XIRP2: variants seen among roughly 807,000 people sequenced by gnomAD.
XIRP2 encodes xin actin-binding repeat-containing protein 2.
XIRP2 carries 236 observed loss-of-function variants against 277.0 expected under a neutral mutation model. The observed-to-expected ratio is 0.85, with a 90% CI of 0.77 to 0.95. The LOEUF (loss-of-function observed/expected upper bound fraction) is 0.95. Among genes scored for constraint, XIRP2 ranks in the 40% least tolerant of loss-of-function variants. XIRP2 has a pLI of 0.00. For synonymous variants in XIRP2, 1,490 were observed against 1,416.5 expected (o/e 1.05, Z -1.17); for missense variants, 4,640 against 4,157.5 (o/e 1.12, Z -3.19).
chr2:167,011,988 G>A lies in XIRP2; in HGVS notation c.408+108098G>A, dbSNP rs562369530. ...TTTCTTCTTTATTAGTCTTGCTAGC[G>A]GTCTATCAATTTTGTTGATCTTTTC... is the stretch of plus-strand genomic sequence containing the variant. On this transcript the variant is annotated intron_variant, in intron 2 of 10. Coordinates refer to ENST00000409195, the MANE Select transcript of XIRP2 (RefSeq NM_152381.6). Among the ~76,000 whole-genome samples the A allele has an allele frequency of 7.8e-4, 119 of 151,784 alleles. 1 individual carries two copies. Among genetic ancestry groups the A allele is most frequent in the African/African-American group, 2.7e-3 (111 of 41,400 alleles).
chr2:167,102,725 T>A (rs1041604398), intron 2 of XIRP2, among the ~76,000 whole-genome samples: 1 of 152,188 alleles, frequency 6.6e-6, no homozygotes, highest in Non-Finnish European at 1.5e-5. Flanking sequence ...TCAATTTTCA[T>A]TGCACACATG....
At chr2:167,090,250 C>A (rs185773617) in intron 2 of XIRP2, among the ~76,000 whole-genome samples, 1 of 152,030 alleles carries the variant, frequency 6.6e-6, no homozygotes, top group Non-Finnish European at 1.5e-5. Context: ...TCAGACAATG[C>A]AAAGATTTTA....
Position 166,927,300 on chromosome 2 carries a change from A to T in XIRP2, c.408+23410A>T, listed in dbSNP as rs1231286028. Among the ~76,000 whole-genome samples the T allele has an allele frequency of 3.9e-5, 6 of 152,118 alleles. No homozygotes were observed. The South Asian group carries it at 1.0e-3, about 26-fold the overall frequency. On this transcript the variant is annotated intron_variant, in intron 2 of 10. Coordinates refer to ENST00000409195, the MANE Select transcript of XIRP2 (RefSeq NM_152381.6). ...GTAATTGTTTCCTATTGCTGCTGTAACAAAATAAATCAAACCTAGTGGCTT... is the reference window on the plus strand; with the variant it reads ...GTAATTGTTTCCTATTGCTGCTGTATCAAAATAAATCAAACCTAGTGGCTT...
rs553214114 is a variant in XIRP2 at position 167,008,313 on chromosome 2, T to C, written c.408+104423T>C. 1.1e-3 allele frequency among the ~76,000 whole-genome samples: 170 copies of C among 151,760 alleles called. No homozygotes were observed. The South Asian group carries it at 0.016, about 14-fold the overall frequency. On this transcript the variant is annotated intron_variant, in intron 2 of 10. Transcript: ENST00000409195. ...TGGAAAGTATTATCAGTTTCTTCAA[T>C]TGGTTTTTATATGAGAATACTAAGC...
At chr2:167,126,010 A>G (rs1362530059) in intron 2 of XIRP2, among the ~76,000 whole-genome samples, 1 of 152,148 alleles carries the variant, frequency 6.6e-6, no homozygotes, top group Non-Finnish European at 1.5e-5. Flanking sequence ...AGAATGGAGC[A>G]CCTACAAATG....
chr2:167,152,841 C>T (rs1574301779), intron 3 of XIRP2, among the ~76,000 whole-genome samples: 1 of 152,086 alleles, frequency 6.6e-6, no homozygotes, highest in East Asian at 1.9e-4. Flanking sequence ...CAAGATTCTA[C>T]AAAATAGAAA....
At chr2:167,116,419 T>C (rs1259923724) in intron 2 of XIRP2, among the ~76,000 whole-genome samples, 9 of 152,184 alleles carry the variant, frequency 5.9e-5, no homozygotes. Flanking sequence ...ATTTATATGG[T>C]CTAAAGTCTA....
In XIRP2 at chr2:167,241,879, A is replaced by G; in HGVS notation, c.1145A>G (p.Lys382Arg). The change falls in exon 8 of 11, where the codon AAA becomes AGA. Residue 382 changes from lysine to arginine, a missense_variant. Physicochemically the swap from Lys to Arg is conservative, Grantham distance 26 (BLOSUM62 2). Transcript: ENST00000409195. ...SAQEKILYSD[K>R]EMTTPAKQIK... ...CAGGAAAAGATCCTTTATTCTGACA[A>G]AGAGATGACAACCCCAGCCAAGCAG... 6.2e-7 allele frequency: 1 copy of G among 1,613,420 alleles called. No homozygotes were observed. Among genetic ancestry groups the G allele is most frequent in the Non-Finnish European group, 8.5e-7 (1 of 1,179,648 alleles).
chr2:167,217,441 T>C (rs1318956000), intron 4 of XIRP2, among the ~76,000 whole-genome samples: 1 of 152,126 alleles, frequency 6.6e-6, no homozygotes, highest in Non-Finnish European at 1.5e-5. Flanking sequence ...CTGCTGGTTT[T>C]CTGCCTGTTC....
rs1321488292 is a variant in XIRP2 at position 167,243,478 on chromosome 2, T to C, written c.2086T>C (p.Phe696Leu). Residue 696 changes from phenylalanine to leucine, a missense_variant, in exon 9 of 11, where the codon TTT becomes CTT. Coordinates refer to ENST00000409195, the MANE Select transcript of XIRP2 (RefSeq NM_152381.6). ...GGDVKTVRYM[F>L]ETQHLDQLGQ... is the part of the protein sequence containing the mutation. ...GGATGTCAAGACTGTGAGATACATG[T>C]TTGAAACTCAACATCTAGATCAACT... 1 of 1,613,952 alleles carries C rather than the reference T, an allele frequency of 6.2e-7. No individual in the cohort carries two copies. The highest frequency in any genetic ancestry group is 1.3e-5 in the African/African-American group (1 of 74,914).
chr2:166,912,771 C>T (rs1304222696), intron 2 of XIRP2, among the ~76,000 whole-genome samples: 2 of 152,140 alleles, frequency 1.3e-5, no homozygotes, highest in Non-Finnish European at 1.5e-5. Flanking sequence ...TGGTGACATA[C>T]AGATGGGGAT....
chr2:167,043,904 A>G (rs1298239698), intron 2 of XIRP2, among the ~76,000 whole-genome samples: 2 of 152,048 alleles, frequency 1.3e-5, no homozygotes, highest in Non-Finnish European at 2.9e-5. Flanking sequence ...AGTGAGGATA[A>G]CAAAATTATC....
intron 3 of XIRP2, chr2:167,184,611 A>G (rs890400644): frequency 1.4e-6 from 1 of 717,444 alleles, no homozygotes; most frequent in Admixed American, 2.0e-5. Context: ...AAGACCCCCA[A>G]GAACAGCCTC....
intron 2 of XIRP2, among the ~76,000 whole-genome samples, chr2:166,986,540 C>T (rs1384124763): frequency 6.6e-6 from 1 of 152,212 alleles, no homozygotes; most frequent in East Asian, 1.9e-4. Context: ...GTATAAAGGG[C>T]ACCAAACCAG....
intron 2 of XIRP2, among the ~76,000 whole-genome samples, chr2:167,085,247 G>A (rs1244575730): frequency 1.3e-5 from 2 of 151,534 alleles, no homozygotes; most frequent in African/African-American, 2.4e-5. Flanking sequence ...ATGTAGTTGA[G>A]CGGTTTTGAG....
chr2:166,903,946 A>C, intron 2 of XIRP2, 56 bp downstream of exon 2: 1 of 1,545,884 alleles, frequency 6.5e-7, no homozygotes, highest in Admixed American at 1.9e-5. Context: ...TGCCTAGCCT[A>C]CCATTTATTA....
intron 3 of XIRP2, among the ~76,000 whole-genome samples, chr2:167,207,490 G>A (rs1693890884): frequency 6.6e-6 from 1 of 152,162 alleles, no homozygotes; most frequent in African/African-American, 2.4e-5. Context: ...AATTGGTCAA[G>A]AAAGGAAGAG....
At chr2:167,045,583 G>A (rs1291745525) in intron 2 of XIRP2, among the ~76,000 whole-genome samples, 1 of 151,886 alleles carries the variant, frequency 6.6e-6, no homozygotes, top group Non-Finnish European at 1.5e-5. Context: ...CAAAGGACAT[G>A]AACAATTTTT....
chr2:167,254,769 ACT>A (rs1204383415), intron 10 of XIRP2, among the ~76,000 whole-genome samples: 2 of 151,626 alleles, frequency 1.3e-5, no homozygotes, highest in East Asian at 2.0e-4. Flanking sequence ...TAAGAGAAAA[ACT>A]CTGTTTTTTC....
Sources: gnomAD v4.1 joint callset for allele counts (sites outside exome capture counted in the v4.1 genomes callset) on GRCh38, gnomAD v4.1.1 for gene constraint, MANE v1.5 for transcripts, NCBI Gene and HGNC (gene_info 2026-07-23, HGNC 2026-07-21) for gene names.